Variants in OPCML observed in about 807,000 individuals in gnomAD.
OPCML encodes the protein opioid-binding protein/cell adhesion molecule.
OPCML carries 13 observed loss-of-function variants against 37.8 expected under a neutral mutation model. That is an observed-to-expected ratio of 0.34 (90% CI 0.22 to 0.55). OPCML has a LOEUF of 0.55. OPCML is among the 20% of genes least tolerant of loss of function. The probability of loss-of-function intolerance (pLI) is 0.91; values close to 1 mark genes in which losing one functional copy is unlikely to be tolerated. For missense variants in OPCML, 341 were observed against 435.6 expected, an observed-to-expected ratio of 0.78 and a Z score of 1.93; for synonymous variants, 176 against 168.8, an observed-to-expected ratio of 1.04 and a Z score of -0.33.
At chr11:132,918,301 T>A (rs1944674184) in intron 2 of OPCML, among the ~76,000 whole-genome samples, 1 of 152,184 alleles carries the variant, frequency 6.6e-6, no homozygotes, top group Admixed American at 6.5e-5. Flanking sequence ...TTTCTACACA[T>A]CTACTCTTGG....
chr11:133,220,751 C>T (rs141548950), intron 1 of OPCML, among the ~76,000 whole-genome samples: 277 of 152,234 alleles, frequency 1.8e-3, no homozygotes, highest in African/African-American at 6.5e-3. Context: ...CTCCATTTTT[C>T]TGCCCCCTCT....
At chr11:132,970,467 C>A (rs915688046) in intron 1 of OPCML, among the ~76,000 whole-genome samples, 8 of 152,140 alleles carry the variant, frequency 5.3e-5, no homozygotes, top group Admixed American at 2.6e-4. Flanking sequence ...ACTCCAGAAT[C>A]ATATTTACTT....
intron 2 of OPCML, among the ~76,000 whole-genome samples, chr11:132,930,608 C>T (rs1354787311): frequency 6.6e-6 from 1 of 151,800 alleles, no homozygotes; most frequent in Non-Finnish European, 1.5e-5. Flanking sequence ...ATTTTATTTC[C>T]AATAGCATCA....
intron 2 of OPCML, among the ~76,000 whole-genome samples, chr11:132,915,186 G>T (rs1243103660): frequency 6.6e-6 from 1 of 152,096 alleles, no homozygotes; most frequent in Non-Finnish European, 1.5e-5. Flanking sequence ...TTTCTTGCTT[G>T]TGTGTAAACC....
At chr11:133,155,186 C>A (rs1385705342) in intron 1 of OPCML, among the ~76,000 whole-genome samples, 1 of 152,156 alleles carries the variant, frequency 6.6e-6, no homozygotes, top group African/African-American at 2.4e-5. Flanking sequence ...TTGCCTCCAT[C>A]CCTGCTTTCA....
At chr11:133,172,565 G>T (rs1176296350) in intron 1 of OPCML, among the ~76,000 whole-genome samples, 1 of 152,174 alleles carries the variant, frequency 6.6e-6, no homozygotes, top group East Asian at 1.9e-4. Context: ...CTAGAGGCAT[G>T]GGACAGTGTG....
At chr11:133,385,612 G>A (rs986771544) in intron 1 of OPCML, among the ~76,000 whole-genome samples, 4 of 152,046 alleles carry the variant, frequency 2.6e-5, no homozygotes, top group Admixed American at 1.3e-4. Context: ...CAAAGCTCAG[G>A]TGCCTCTAAT....
chr11:133,358,737 A>G (rs1186310391), intron 1 of OPCML, among the ~76,000 whole-genome samples: 1 of 152,104 alleles, frequency 6.6e-6, no homozygotes, highest in Admixed American at 6.5e-5. Context: ...GGGCAGTGCT[A>G]TTTCCAAAAG....
In OPCML at chr11:132,649,453, G is replaced by A. The variant is rs940974417; in HGVS notation, c.379+7634C>T. 4.6e-5 allele frequency among the ~76,000 whole-genome samples: 7 copies of A among 152,262 alleles called. No individual in the cohort carries two copies. The East Asian group carries it at 7.7e-4, about 17-fold the overall frequency. ...AGTCTGAGAGCCGGGATAGGACCAC[G>A]GCATGGTGGGGTGAGTGTGGCCTTG... On this transcript the variant is annotated intron_variant, in intron 3 of 7. Coordinates refer to ENST00000524381, the MANE Select transcript of OPCML (RefSeq NM_001012393.5).
At chr11:132,687,381 T>TGTATATAC (rs1273027370) in intron 2 of OPCML, among the ~76,000 whole-genome samples, 297 of 11,944 alleles carry the variant, frequency 0.025, 26 homozygotes, top group African/African-American at 0.1. Flanking sequence ...TATATATATA[T>TGTATATAC]ATATATATAT....
Position 133,179,946 on chromosome 11 carries a change from C to T in OPCML, c.62-236936G>A, listed in dbSNP as rs1033938688. ...GGTAAAGCTGGAAGGTGAAGCTGGGCGCAGGTGATGGAAGCCCTGGAATAA... is the reference window on the plus strand; with the variant it reads ...GGTAAAGCTGGAAGGTGAAGCTGGGTGCAGGTGATGGAAGCCCTGGAATAA... On this transcript the variant is annotated intron_variant, in intron 1 of 7. Transcript: ENST00000524381. Among the ~76,000 whole-genome samples the T allele has an allele frequency of 3.9e-5, 6 of 152,036 alleles. No individual in the cohort carries two copies. In the South Asian group the frequency reaches 8.3e-4, roughly 21 times the overall value.
intron 7 of OPCML, among the ~76,000 whole-genome samples, chr11:132,431,658 C>A (rs751072290): frequency 6.6e-6 from 1 of 152,234 alleles, no homozygotes. Flanking sequence ...ACTCACCAAC[C>A]CATTGTCTCC....
intron 4 of OPCML, among the ~76,000 whole-genome samples, chr11:132,483,665 T>G (rs1183434894): frequency 2.0e-5 from 3 of 152,092 alleles, no homozygotes; most frequent in African/African-American, 7.2e-5. Flanking sequence ...GACTTCAAAC[T>G]ATACTACAAG....
At chr11:132,972,004 C>A (rs1946353071) in intron 1 of OPCML, among the ~76,000 whole-genome samples, 2 of 152,150 alleles carry the variant, frequency 1.3e-5, no homozygotes. Context: ...ACAGCAGAAC[C>A]ATTAACAGGA....
chr11:132,519,251 C>T (rs373724882), intron 4 of OPCML, among the ~76,000 whole-genome samples: 169 of 152,214 alleles, frequency 1.1e-3, no homozygotes, highest in Non-Finnish European at 2.0e-3. Flanking sequence ...GGGTTTTCCA[C>T]CTTGGGGAGG....
At chr11:132,612,368 T>G (rs1251600872) in intron 3 of OPCML, among the ~76,000 whole-genome samples, 2 of 152,210 alleles carry the variant, frequency 1.3e-5, no homozygotes, top group African/African-American at 2.4e-5. Flanking sequence ...ATATTAAAAT[T>G]AATACAGCTT....
intron 4 of OPCML, among the ~76,000 whole-genome samples, chr11:132,469,899 T>A (rs2096132300): frequency 7.3e-6 from 1 of 136,210 alleles, no homozygotes; most frequent in South Asian, 2.5e-4. Flanking sequence ...TGTGTGTAGG[T>A]ATGTGTCTGT....
intron 2 of OPCML, among the ~76,000 whole-genome samples, chr11:132,725,261 C>T (rs929591853): frequency 2.0e-5 from 3 of 152,218 alleles, no homozygotes; most frequent in African/African-American, 4.8e-5. Context: ...GGCTCAACAC[C>T]ATGTGGAAGC....
chr11:133,432,251 A>C (rs1946137927), intron 1 of OPCML, among the ~76,000 whole-genome samples: 1 of 152,202 alleles, frequency 6.6e-6, no homozygotes, highest in South Asian at 2.1e-4. Flanking sequence ...AAAGGAAAAA[A>C]AGAGAAATCA....
Sources: gnomAD v4.1 joint callset for allele counts (sites outside exome capture counted in the v4.1 genomes callset) on GRCh38, gnomAD v4.1.1 for gene constraint, MANE v1.5 for transcripts, NCBI Gene and HGNC (gene_info 2026-07-23, HGNC 2026-07-21) for gene names.